The following PITPNM2 variants were observed in gnomAD, a reference collection of about 807,000 sequenced individuals.
PITPNM2 encodes membrane-associated phosphatidylinositol transfer protein 2.
In PITPNM2, 35 loss-of-function variants were observed where a neutral mutation model predicts 132.2. The observed-to-expected ratio is 0.26, with a 90% CI of 0.20 to 0.35. The LOEUF (loss-of-function observed/expected upper bound fraction) is 0.35. Among genes scored for constraint, PITPNM2 ranks in the 10% least tolerant of loss-of-function variants. PITPNM2 has a pLI of 1.00. For missense variants in PITPNM2, 1,332 were observed against 1,912.0 expected (o/e 0.70, Z 5.66); for synonymous variants, 738 against 799.2 (o/e 0.92, Z 1.29).
intron 2 of PITPNM2, among the ~76,000 whole-genome samples, chr12:123,045,290 C>G (rs1327759440): frequency 6.6e-6 from 1 of 152,198 alleles, no homozygotes; most frequent in Non-Finnish European, 1.5e-5. Flanking sequence ...ATAGCAAATC[C>G]TCCTCAAGCT....
chr12:123,089,322 A>T (rs1456754239), intron 2 of PITPNM2: 1 of 152,200 alleles, frequency 6.6e-6, no homozygotes, highest in Non-Finnish European at 1.5e-5. Flanking sequence ...GATATGAGCA[A>T]GGAGGTGACA....
rs751198102 is a variant in PITPNM2, at chr12:122,991,890, C to G, written c.2404+609G>C. 11 of 1,311,940 alleles carry G rather than the reference C, an allele frequency of 8.4e-6. No homozygotes were observed. In the Admixed American group the frequency reaches 1.2e-4, roughly 15 times the overall value. The allele number at this position is 1,311,940 out of a possible 1,614,324, so 81.3% of individuals were successfully genotyped here. ...AGGACCAGCTCAGGGTTTCTCTGCA[C>G]GGTCTCGACTGGAGGCAGACGGGGA... On this transcript the variant is annotated intron_variant, in intron 16 of 25. Transcript: ENST00000320201.
intron 2 of PITPNM2, among the ~76,000 whole-genome samples, chr12:123,063,951 ACAAT>A (rs2041330900): frequency 6.6e-6 from 1 of 152,152 alleles, no homozygotes; most frequent in Non-Finnish European, 1.5e-5. Flanking sequence ...AAATTAACAG[ACAAT>A]CAATGTAAAG....
At chr12:123,084,146 G>A (rs1379398046) in intron 2 of PITPNM2, 1 of 152,428 alleles carries the variant, frequency 6.6e-6, no homozygotes, top group Non-Finnish European at 1.5e-5. Context: ...GATGCTGGAC[G>A]ATGGTGACCC....
At chr12:123,059,953 T>A (rs1258939710) in intron 2 of PITPNM2, among the ~76,000 whole-genome samples, 1 of 152,122 alleles carries the variant, frequency 6.6e-6, no homozygotes, top group Non-Finnish European at 1.5e-5. Context: ...ACTTTTAACA[T>A]GTTTAAGCTT....
intron 2 of PITPNM2, among the ~76,000 whole-genome samples, chr12:123,071,411 CAG>C (rs1408055353): frequency 1.3e-5 from 2 of 152,198 alleles, no homozygotes; most frequent in East Asian, 3.9e-4. Context: ...GGAGGACAGC[CAG>C]AGAGAGACCC....
rs2043732460 is a variant in PITPNM2 at position 123,151,017 on chromosome 12, C to T, written c.-464G>A. Among the ~76,000 whole-genome samples the T allele has an allele frequency of 6.9e-6, 1 of 145,026 alleles. No homozygotes were observed. The highest frequency in any genetic ancestry group is 2.5e-5 in the African/African-American group (1 of 40,526). ...CGCGAGCTGAGAAGGAAGCGCCGGGCGGGCGGCCGGGGCCGGCTGGACAGC... is the reference window on the plus strand; with the variant it reads ...CGCGAGCTGAGAAGGAAGCGCCGGGTGGGCGGCCGGGGCCGGCTGGACAGC... On this transcript the variant is annotated 5_prime_UTR_variant, in exon 1 of 26. Coordinates refer to ENST00000320201, the MANE Select transcript of PITPNM2 (RefSeq NM_020845.3).
intron 2 of PITPNM2, among the ~76,000 whole-genome samples, chr12:123,046,227 C>T (rs906039775): frequency 2.0e-4 from 31 of 152,090 alleles, no homozygotes; most frequent in Non-Finnish European, 5.9e-5. Context: ...ATGGCCCCCT[C>T]CTGAAAATGG....
rs1357337778 is a variant in PITPNM2, at chr12:123,150,015, G to C, written c.-200+738C>G. The C allele has an allele frequency of 2.0e-5, 3 of 152,376 alleles. No individual in the cohort carries two copies. Among genetic ancestry groups the C allele is most frequent in the South Asian group, 2.1e-4 (1 of 4,826 alleles). The allele number at this position is 152,376 out of a possible 1,614,324, so 9.4% of individuals were successfully genotyped here. A position where few individuals can be genotyped will look rare whatever the true frequency, so the allele number is the denominator to read the frequency against. On this transcript the variant is annotated intron_variant, in intron 1 of 25. Coordinates refer to ENST00000320201, the MANE Select transcript of PITPNM2 (RefSeq NM_020845.3). The surrounding 1 kb of genome is among the most constrained non-coding windows in gnomAD (Gnocchi z 6.0). ...CTGCAGGAGCAAGTCGGTGGAAAGG[G>C]GACAAGCCTGGAGGACTTGCCTTGA...
rs773925384 is a variant in PITPNM2 at position 123,077,176 on chromosome 12, C to A, written c.-96+33209G>T. Reference sequence around the variant, plus strand: ...GGCTGTCCCAAACAGATGGTGCTATCCAGACAGACACACTGGCAGGGCCGC... The same window carrying A: ...GGCTGTCCCAAACAGATGGTGCTATACAGACAGACACACTGGCAGGGCCGC... On this transcript the variant is annotated intron_variant, in intron 2 of 25. Transcript: ENST00000320201. The surrounding 1 kb of genome is among the most constrained non-coding windows in gnomAD (Gnocchi z 4.8). 1.1e-4 allele frequency among the ~76,000 whole-genome samples: 16 copies of A among 152,302 alleles called. No individual in the cohort carries two copies. Among genetic ancestry groups the A allele is most frequent in the South Asian group, 1.0e-3 (5 of 4,826 alleles).
At chr12:123,076,917 A>T (rs1018180289) in intron 2 of PITPNM2, among the ~76,000 whole-genome samples, 6 of 150,884 alleles carry the variant, frequency 4.0e-5, no homozygotes, top group African/African-American at 1.5e-4. Flanking sequence ...TCTTTTTTCC[A>T]TTGCCTGCTG....
intron 6 of PITPNM2, chr12:123,007,284 G>C: frequency 2.2e-6 from 1 of 454,136 alleles, no homozygotes; most frequent in Non-Finnish European, 4.4e-6. Context: ...ATCCGTGTGT[G>C]TGTGAAATGC....
intron 1 of PITPNM2, among the ~76,000 whole-genome samples, chr12:123,140,128 G>A (rs2043472555): frequency 6.6e-6 from 1 of 152,190 alleles, no homozygotes; most frequent in African/African-American, 2.4e-5. Flanking sequence ...TCTAGATCAA[G>A]AACCAGGTTC....
In PITPNM2 at chr12:123,106,098, C is replaced by A. The variant is rs1045679697; in HGVS notation, c.-96+4287G>T. ...GCATCGCCCAGAAACAATCGTCTTG[C>A]CACAGGCCCCCTGCTTCTTCTCTTC... On this transcript the variant is annotated intron_variant, in intron 2 of 25. Transcript: ENST00000320201. The surrounding 1 kb of genome is among the most constrained non-coding windows in gnomAD (Gnocchi z 4.4). 1.3e-5 allele frequency among the ~76,000 whole-genome samples: 2 copies of A among 152,338 alleles called. No individual in the cohort carries two copies. Among genetic ancestry groups the A allele is most frequent in the Admixed American group, 1.3e-4 (2 of 15,304 alleles).
At chr12:122,995,709 C>A in intron 13 of PITPNM2, 49 bp from the exon 14 acceptor site, 1 of 1,521,472 alleles carries the variant, frequency 6.6e-7, no homozygotes, top group South Asian at 1.3e-5. Context: ...CTGGCCTGAC[C>A]CCTTCTCCAG....
chr12:123,134,474 T>C (rs1444195979), intron 1 of PITPNM2, among the ~76,000 whole-genome samples: 1 of 152,026 alleles, frequency 6.6e-6, no homozygotes, highest in African/African-American at 2.4e-5. Context: ...CCTGGACAAA[T>C]GGGCTTCGCA....
intron 2 of PITPNM2, among the ~76,000 whole-genome samples, chr12:123,070,741 C>T (rs1214165877): frequency 6.6e-6 from 1 of 152,212 alleles, no homozygotes; most frequent in African/African-American, 2.4e-5. Context: ...AGGCCTGCCC[C>T]CCATGCCTTC....
Position 123,117,350 on chromosome 12 carries a change from T to C in PITPNM2, c.-199-6862A>G, listed in dbSNP as rs1296030379. On this transcript the variant is annotated intron_variant, in intron 1 of 25. Transcript: ENST00000320201. This position sits in a 1 kb window ranked among gnomAD's most constrained non-coding sequence, Gnocchi z 4.7. ...TCAAGCTGTCACTTAATTACACGACTCTCTATCTGTGCAGAGCAGGGGTTT... is the reference window on the plus strand; with the variant it reads ...TCAAGCTGTCACTTAATTACACGACCCTCTATCTGTGCAGAGCAGGGGTTT... 1.3e-5 allele frequency among the ~76,000 whole-genome samples: 2 copies of C among 148,644 alleles called. No individual in the cohort carries two copies. Among genetic ancestry groups the C allele is most frequent in the Non-Finnish European group, 2.9e-5 (2 of 68,044 alleles).
At chr12:123,127,373 G>A (rs1383424580) in intron 1 of PITPNM2, among the ~76,000 whole-genome samples, 3 of 152,158 alleles carry the variant, frequency 2.0e-5, no homozygotes, top group African/African-American at 4.8e-5. Context: ...GCGTGTTGAT[G>A]CCCAAGCAAA....
Sources: gnomAD v4.1 joint callset for allele counts (sites outside exome capture counted in the v4.1 genomes callset) on GRCh38, gnomAD v4.1.1 for gene constraint, Gnocchi (gnomAD v3.1) non-coding constraint, MANE v1.5 for transcripts, NCBI Gene and HGNC (gene_info 2026-07-23, HGNC 2026-07-21) for gene names.